The following MAP2 variants were observed in gnomAD, a reference collection of about 807,000 sequenced individuals.
MAP2 encodes the protein microtubule-associated protein 2.
Under a neutral mutation model 137.6 loss-of-function variants are expected in MAP2, and 14 were observed. The ratio of observed to expected loss-of-function variants is 0.10; its 90% CI spans 0.07 to 0.16. The LOEUF is 0.16. MAP2 is among the 10% of genes least tolerant of loss of function. MAP2 has a pLI of 1.00. For synonymous variants in MAP2, 786 were observed against 782.3 expected (o/e 1.00, Z -0.08); for missense variants, 2,088 against 2,191.5 (o/e 0.95, Z 0.94).
At chr2:209,669,334 A>G (rs1052861381) in intron 5 of MAP2, among the ~76,000 whole-genome samples, 3 of 152,088 alleles carry the variant, frequency 2.0e-5, no homozygotes, top group Non-Finnish European at 4.4e-5. Flanking sequence ...TTTTCCCATC[A>G]CATGGTTCCT....
chr2:209,508,607 C>A (rs910870466), intron 2 of MAP2, among the ~76,000 whole-genome samples: 2 of 142,530 alleles, frequency 1.4e-5, no homozygotes, highest in African/African-American at 5.0e-5. Context: ...CACACACACA[C>A]ACACAGAGAT....
At chr2:209,558,394 G>A (rs112846997) in intron 2 of MAP2, among the ~76,000 whole-genome samples, 1,752 of 152,030 alleles carry the variant, frequency 0.012, 35 homozygotes, top group African/African-American at 0.04. Context: ...TCGCCATGTC[G>A]GCCAGGCTGG....
chr2:209,686,466 C>T (rs1370619115), intron 7 of MAP2, among the ~76,000 whole-genome samples: 3 of 152,094 alleles, frequency 2.0e-5, no homozygotes, highest in African/African-American at 7.2e-5. Context: ...TTCTTAAAAT[C>T]TGATATAAAT....
Position 209,693,876 on chromosome 2 carries a change from T to C in MAP2, c.1706T>C (p.Met569Thr). 3.1e-6 allele frequency: 5 copies of C among 1,612,330 alleles called. No individual in the cohort carries two copies. The highest frequency in any genetic ancestry group is 4.2e-6 in the Non-Finnish European group (5 of 1,179,570). The change falls in exon 8 of 16, where the codon ATG (methionine) becomes ACG (threonine). Residue 569 changes from methionine to threonine, a missense_variant. This residue lies in a region of MAP2 where 859 missense variants were observed against 794.5 expected (regional missense o/e 1.08). Transcript: ENST00000682079. ...DMPFYEDKSGMSKYFETSALK... is the reference protein window; with the variant it reads ...DMPFYEDKSGTSKYFETSALK... ...CCATTTTATGAAGATAAATCAGGAA[T>C]GTCCAAGTACTTTGAAACATCTGCC...
At chr2:209,539,245 A>G (rs190539410) in intron 2 of MAP2, among the ~76,000 whole-genome samples, 13 of 152,328 alleles carry the variant, frequency 8.5e-5, no homozygotes, top group South Asian at 4.1e-4. Flanking sequence ...AAGTATAAAG[A>G]CCAAAGTAAA....
At chr2:209,708,211 A>T (rs1433416976) in intron 12 of MAP2, among the ~76,000 whole-genome samples, 1 of 152,218 alleles carries the variant, frequency 6.6e-6, no homozygotes, top group East Asian at 1.9e-4. Flanking sequence ...ACAAACCAGG[A>T]CATGGAAGTT....
intron 5 of MAP2, among the ~76,000 whole-genome samples, chr2:209,677,514 G>T (rs2052491413): frequency 6.6e-6 from 1 of 151,976 alleles, no homozygotes; most frequent in Non-Finnish European, 1.5e-5. Context: ...GAATTACAAT[G>T]ATGTATTTTA....
intron 5 of MAP2, among the ~76,000 whole-genome samples, chr2:209,670,984 A>G (rs2153662552): frequency 6.6e-6 from 1 of 152,160 alleles, no homozygotes; most frequent in East Asian, 1.9e-4. Flanking sequence ...TCTTAAATTT[A>G]AGTACCCATC....
In MAP2 at chr2:209,704,723, T is replaced by G. The variant is rs376676043; in HGVS notation, c.4585-857T>G. On this transcript the variant is annotated intron_variant, in intron 11 of 15. Transcript: ENST00000682079. ...AAATGTATGAAAGCAAATACTTTAC[T>G]CTGAAGTGTTTGACACATAAACAGT... is the stretch of plus-strand genomic sequence containing the variant. The G allele has an allele frequency of 5.4e-6, 6 of 1,118,900 alleles. No individual in the cohort carries two copies. In the Admixed American group the frequency reaches 1.2e-4, roughly 21 times the overall value. 69.3% of individuals were successfully genotyped at this position (1,118,900 alleles called of 1,614,324 possible).
intron 1 of MAP2, among the ~76,000 whole-genome samples, chr2:209,432,500 G>T (rs1213110854): frequency 6.6e-6 from 1 of 152,178 alleles, no homozygotes; most frequent in African/African-American, 2.4e-5. Flanking sequence ...TTAAAGGAAA[G>T]AAATTAAGTA....
chr2:209,461,148 CTTAA>C (rs1356253113), intron 1 of MAP2, among the ~76,000 whole-genome samples: 1 of 152,160 alleles, frequency 6.6e-6, no homozygotes, highest in East Asian at 1.9e-4. Context: ...ATTAAGTAAA[CTTAA>C]TTATTACTAC....
intron 1 of MAP2, among the ~76,000 whole-genome samples, chr2:209,437,783 C>T (rs1422542234): frequency 6.6e-6 from 1 of 151,608 alleles, no homozygotes; most frequent in Non-Finnish European, 1.5e-5. Flanking sequence ...GAATACTGTA[C>T]AAAAATACAT....
intron 11 of MAP2, among the ~76,000 whole-genome samples, chr2:209,705,107 G>A (rs576912333): frequency 6.6e-6 from 1 of 152,088 alleles, no homozygotes; most frequent in South Asian, 2.1e-4. Flanking sequence ...TTTAAAATGT[G>A]TATCATGTTT....
intron 13 of MAP2, among the ~76,000 whole-genome samples, chr2:209,712,668 A>G (rs1320252296): frequency 6.6e-6 from 1 of 152,164 alleles, no homozygotes; most frequent in East Asian, 1.9e-4. Context: ...AAAACATATC[A>G]TTCAACACTT....
At chr2:209,492,679 C>T (rs1439394322) in intron 1 of MAP2, among the ~76,000 whole-genome samples, 1 of 152,100 alleles carries the variant, frequency 6.6e-6, no homozygotes, top group African/African-American at 2.4e-5. Flanking sequence ...TGAGCAAACT[C>T]CCATTCACAA....
At chr2:209,704,321 T>C (rs1331238709) in intron 11 of MAP2, 1 of 730,008 alleles carries the variant, frequency 1.4e-6, no homozygotes, top group Admixed American at 3.2e-5. Context: ...TCATTGATTA[T>C]AACCATTTAT....
chr2:209,492,676 A>AT (rs2059268713), intron 1 of MAP2, among the ~76,000 whole-genome samples: 1 of 152,152 alleles, frequency 6.6e-6, no homozygotes, highest in African/African-American at 2.4e-5. Context: ...TCTTGAGCAA[A>AT]CTCCCATTCA....
intron 2 of MAP2, among the ~76,000 whole-genome samples, chr2:209,567,123 A>G (rs115496237): frequency 1.9e-3 from 283 of 152,244 alleles, no homozygotes; most frequent in Middle Eastern, 6.8e-3. Context: ...AGCACTACAT[A>G]CAATGATCTC....
At chr2:209,468,537 G>C (rs1704795210) in intron 1 of MAP2, among the ~76,000 whole-genome samples, 1 of 151,474 alleles carries the variant, frequency 6.6e-6, no homozygotes, top group Admixed American at 6.6e-5. Flanking sequence ...AGCCAGGATG[G>C]TCTCAATCTC....
Sources: gnomAD v4.1 joint callset for allele counts (sites outside exome capture counted in the v4.1 genomes callset) on GRCh38, gnomAD v4.1.1 for gene constraint, gnomAD v4.1.1 regional missense constraint, MANE v1.5 for transcripts, NCBI Gene and HGNC (gene_info 2026-07-23, HGNC 2026-07-21) for gene names.